Variants in RBIS observed in about 807,000 individuals in gnomAD.
RBIS encodes ribosome biogenesis factor identified in screen.
Under a neutral mutation model 9.8 loss-of-function variants are expected in RBIS, and 9 were observed. The ratio of observed to expected loss-of-function variants is 0.92; its 90% confidence interval spans 0.56 to 1.61. The LOEUF is 1.61. Ranked by LOEUF, RBIS falls within the 40% of genes most tolerant of loss-of-function variation. RBIS has a pLI of 0.00. For missense variants in RBIS, 103 were observed against 116.0 expected, an observed-to-expected ratio of 0.89 and a Z score of 0.51; for synonymous variants, 35 against 37.9, an observed-to-expected ratio of 0.92 and a Z score of 0.28.
At chr8:85,218,070 G>A (rs371763523) in intron 1 of RBIS, among the ~76,000 whole-genome samples, 27 of 152,164 alleles carry the variant, frequency 1.8e-4, no homozygotes, top group African/African-American at 5.3e-4. Context: ...TCTTTCCTCC[G>A]TAGCTAGAGA....
chr8:85,218,855 TAA>T (rs1356622370), intron 1 of RBIS: 2 of 152,140 alleles, frequency 1.3e-5, no homozygotes, highest in African/African-American at 4.8e-5. Flanking sequence ...AATTAAAAAA[TAA>T]AGTTTAATTG....
intron 2 of RBIS, 101 bp downstream of exon 2, chr8:85,217,285 T>C (rs1193557734): frequency 2.6e-6 from 2 of 775,798 alleles, no homozygotes; most frequent in Admixed American, 1.9e-5. Context: ...CTAGGAAAAA[T>C]GAAGAACCTT....
chr8:85,217,067 C>A (rs1241998078), intron 2 of RBIS: 2 of 489,632 alleles, frequency 4.1e-6, no homozygotes, highest in South Asian at 3.3e-5. Flanking sequence ...TACATTCTTA[C>A]ATTTGAGTTT....
At chr8:85,217,118 GTTCTA>G (rs1221065590) in intron 2 of RBIS, 2 of 590,902 alleles carry the variant, frequency 3.4e-6, no homozygotes, top group African/African-American at 1.9e-5. Context: ...TTTTAAATGA[GTTCTA>G]TGGTTCAGTA....
Position 85,217,121 on chromosome 8 carries a change from C to G in RBIS, c.114+265G>C, listed in dbSNP as rs183617918. 4.3e-4 allele frequency: 255 copies of G among 593,914 alleles called. 1 individual carries two copies. In the Middle Eastern group the frequency reaches 5.3e-3, roughly 12 times the overall value. 36.8% of individuals were successfully genotyped at this position (593,914 alleles called of 1,614,324 possible). A position where few individuals can be genotyped will look rare whatever the true frequency, so the allele number is the denominator to read the frequency against. ...CCATACTATGGTTTTTAAATGAGTTCTATGGTTCAGTAAAACTATTAAATT... is the reference window on the plus strand; with the variant it reads ...CCATACTATGGTTTTTAAATGAGTTGTATGGTTCAGTAAAACTATTAAATT... On this transcript the variant is annotated intron_variant, in intron 2 of 3. Transcript: ENST00000619594.
chr8:85,216,219 G>C, intron 2 of RBIS: 1 of 152,236 alleles, frequency 6.6e-6, no homozygotes, highest in East Asian at 1.9e-4. Context: ...ATAACAATAC[G>C]TCTCTGAATC....
chr8:85,220,340 T>C lies in RBIS; in HGVS notation c.-38A>G, dbSNP rs1563989876. The C allele has an allele frequency of 6.6e-6, 1 of 152,192 alleles. No individual in the cohort carries two copies. Among genetic ancestry groups the C allele is most frequent in the Non-Finnish European group, 1.5e-5 (1 of 68,026 alleles). The allele number at this position is 152,192 out of a possible 1,614,324, so 9.4% of individuals were successfully genotyped here. On this transcript the variant is annotated 5_prime_UTR_variant, in exon 1 of 4. Transcript: ENST00000619594. The stretch of plus-strand genomic sequence containing the variant: ...AACACTTGCGTGCAGCTTTTTAAGC[T>C]CCAGGTAACACCATCTGGCACGTAC...
rs753782913 is a variant in RBIS at position 85,214,982 on chromosome 8, A to G, written c.170T>C (p.Val57Ala). The G allele has an allele frequency of 3.1e-6, 5 of 1,589,112 alleles. No homozygotes were observed. The African/African-American group carries it at 4.0e-5, about 13-fold the overall frequency. ...TGCGAAATGTGCAAGTTCCTTTTGT[A>G]CATTTACAAAAGCTTTATTTACTCT... Reference protein sequence around the residue: ...VNRVNKAFVNVQKELAHFAKS... With the variant: ...VNRVNKAFVNAQKELAHFAKS... Residue 57 changes from valine (V) to alanine (A), a missense_variant, in exon 3 of 4, where the codon GTA becomes GCA. Transcript: ENST00000619594.
chr8:85,218,994 C>A (rs1343818926), intron 1 of RBIS: 2 of 152,254 alleles, frequency 1.3e-5, no homozygotes, highest in Non-Finnish European at 2.9e-5. Context: ...CTGGCTTAAG[C>A]CATCTGCACA....
chr8:85,216,109 T>C (rs1451127449), intron 2 of RBIS: 1 of 152,212 alleles, frequency 6.6e-6, no homozygotes. Flanking sequence ...GTTGCTTTTT[T>C]CCTGTATCCT....
At chr8:85,217,626 G>T in intron 1 of RBIS, 124 bp from the exon 2 acceptor site, 1 of 650,998 alleles carries the variant, frequency 1.5e-6, no homozygotes, top group East Asian at 2.7e-5. Context: ...TTTTAAAGTT[G>T]GTGCATATAT....
chr8:85,216,170 A>G (rs184623564), intron 2 of RBIS: 1 of 152,334 alleles, frequency 6.6e-6, no homozygotes, highest in East Asian at 1.9e-4. Flanking sequence ...CCGCATCTAT[A>G]CAAGAAACCT....
rs748890513 is a variant in RBIS, at chr8:85,215,048, GA to G, written c.115-12del. 10 of 1,106,050 alleles carry G rather than the reference GA, an allele frequency of 9.0e-6. No homozygotes were observed. Among genetic ancestry groups the G allele is most frequent in the South Asian group, 2.9e-5 (2 of 67,866 alleles). 68.5% of individuals were successfully genotyped at this position (1,106,050 alleles called of 1,614,324 possible). ...ATTCATAATGTTTATCTTTTAAAAA[GA>G]AAAAAAGCATTAATCTATGATCTCA... On this transcript the variant is annotated splice_polypyrimidine_tract_variant and intron_variant, in intron 2 of 3. Transcript: ENST00000619594.
At chr8:85,215,144 A>T in intron 2 of RBIS, 107 bp from the exon 3 acceptor site, 1 of 475,110 alleles carries the variant, frequency 2.1e-6, no homozygotes, top group Non-Finnish European at 3.7e-6. Flanking sequence ...CTTACCAACA[A>T]ATTAGGGATA....
Position 85,215,008 on chromosome 8 carries a change from G to C in RBIS, c.144C>G (p.Asn48Lys), listed in dbSNP as rs200405563. ...KINIMNEEKV[N>K]RVNKAFVNVQ... Reference sequence around the variant, plus strand: ...CATTTACAAAAGCTTTATTTACTCTGTTAACTTTTTCCTCATTCATAATGT... The same window carrying C: ...CATTTACAAAAGCTTTATTTACTCTCTTAACTTTTTCCTCATTCATAATGT... Residue 48 changes from asparagine (N) to lysine (K), a missense_variant, in exon 3 of 4, where the codon AAC (asparagine) becomes AAG (lysine). By Grantham distance (94) the Asn-to-Lys change is moderately conservative. Transcript: ENST00000619594. The C allele has an allele frequency of 5.5e-5, 85 of 1,538,640 alleles. No homozygotes were observed. In the African/African-American group the frequency reaches 1.1e-3, roughly 19 times the overall value.
At chr8:85,215,086 G>C in intron 2 of RBIS, 49 bp from the exon 3 acceptor site, 1 of 735,730 alleles carries the variant, frequency 1.4e-6, no homozygotes, top group Non-Finnish European at 2.2e-6. Context: ...AACCATTAAA[G>C]ATAAGATATA....
chr8:85,220,127 G>T (rs990463201), intron 1 of RBIS, among the ~76,000 whole-genome samples, 179 bp downstream of exon 1: 5 of 152,160 alleles, frequency 3.3e-5, no homozygotes, highest in African/African-American at 9.7e-5. Context: ...ACCCCGTCAG[G>T]AGATGAAAGC....
At chr8:85,217,862 A>G (rs1482491466) in intron 1 of RBIS, among the ~76,000 whole-genome samples, 1 of 152,148 alleles carries the variant, frequency 6.6e-6, no homozygotes. Flanking sequence ...GGTTCCTATC[A>G]TACTTTAGAG....
intron 1 of RBIS, 75 bp from the exon 2 acceptor site, chr8:85,217,577 C>A (rs1813203054): frequency 1.1e-6 from 1 of 890,382 alleles, no homozygotes; most frequent in East Asian, 2.4e-5. Flanking sequence ...TTTAAAGGTA[C>A]CAATTAAATC....
Sources: allele counts gnomAD v4.1 joint callset (sites outside exome capture counted in the v4.1 genomes callset), GRCh38; gene constraint gnomAD v4.1.1; transcripts MANE v1.5; gene names NCBI Gene and HGNC (gene_info 2026-07-23, HGNC 2026-07-21).